The following TMEM108 variants were observed in gnomAD, a reference collection of about 807,000 sequenced individuals.
The protein encoded by TMEM108 is cancer/testis antigen 124.
A neutral mutation model predicts 35.1 loss-of-function variants in TMEM108; 12 were observed. That is an observed-to-expected ratio of 0.34 (90% CI 0.22 to 0.55). The LOEUF (loss-of-function observed/expected upper bound fraction) is 0.55. Among genes scored for constraint, TMEM108 ranks in the 20% least tolerant of loss-of-function variants. TMEM108 has a pLI of 0.89. For synonymous variants in TMEM108, 287 were observed against 308.6 expected, an observed-to-expected ratio of 0.93 and a Z score of 0.73; for missense variants, 680 against 753.3, an observed-to-expected ratio of 0.90 and a Z score of 1.14.
At chr3:133,178,333 A>C (rs1033915515) in intron 2 of TMEM108, among the ~76,000 whole-genome samples, 1 of 152,198 alleles carries the variant, frequency 6.6e-6, no homozygotes, top group Non-Finnish European at 1.5e-5. Flanking sequence ...GGAACCAAAA[A>C]AGAGCCCACA....
chr3:133,393,319 T>C (rs956734763), intron 5 of TMEM108, among the ~76,000 whole-genome samples: 2 of 152,170 alleles, frequency 1.3e-5, no homozygotes, highest in East Asian at 3.8e-4. Context: ...TTCAGAGCTC[T>C]TCTCACCACT....
At chr3:133,177,389 T>C (rs1328188502) in intron 2 of TMEM108, among the ~76,000 whole-genome samples, 1 of 152,228 alleles carries the variant, frequency 6.6e-6, no homozygotes, top group Non-Finnish European at 1.5e-5. Flanking sequence ...CCAATATCCC[T>C]GATGAACATT....
At chr3:133,369,793 CTT>C (rs1386716355) in intron 3 of TMEM108, among the ~76,000 whole-genome samples, 1 of 152,146 alleles carries the variant, frequency 6.6e-6, no homozygotes, top group Admixed American at 6.5e-5. Context: ...CATACCCTTA[CTT>C]TGCCACCTGC....
At chr3:133,073,526 A>ATATATATT (rs1553729964) in intron 2 of TMEM108, among the ~76,000 whole-genome samples, 11 of 116,680 alleles carry the variant, frequency 9.4e-5, no homozygotes, top group East Asian at 2.4e-4. Context: ...ATATATATAT[A>ATATATATT]TATATATATC....
chr3:133,366,057 C>G (rs2107803335), intron 3 of TMEM108, among the ~76,000 whole-genome samples: 2 of 152,286 alleles, frequency 1.3e-5, no homozygotes, highest in South Asian at 4.1e-4. Flanking sequence ...TTGGATAAAT[C>G]TTTTAACCTC....
chr3:133,240,505 T>G (rs1358110407), intron 3 of TMEM108, among the ~76,000 whole-genome samples: 2 of 152,222 alleles, frequency 1.3e-5, no homozygotes, highest in African/African-American at 4.8e-5. Context: ...TCCATTACAC[T>G]GTTGGCAGAA....
intron 2 of TMEM108, among the ~76,000 whole-genome samples, chr3:133,217,898 A>G (rs184981243): frequency 3.3e-5 from 5 of 152,066 alleles, no homozygotes; most frequent in Admixed American, 2.0e-4. Flanking sequence ...TACTTTGGCT[A>G]TTTGGAGTCT....
At chr3:133,090,652 G>A (rs1943936810) in intron 2 of TMEM108, among the ~76,000 whole-genome samples, 3 of 152,172 alleles carry the variant, frequency 2.0e-5, no homozygotes, top group Admixed American at 2.0e-4. Context: ...TTTTAAGAGT[G>A]GGGCAATCTC....
At chr3:133,263,333 C>T (rs1946651517) in intron 3 of TMEM108, among the ~76,000 whole-genome samples, 1 of 152,178 alleles carries the variant, frequency 6.6e-6, no homozygotes, top group Admixed American at 6.5e-5. Context: ...GTGTTTGCTG[C>T]CTTTAAAAGC....
intron 2 of TMEM108, among the ~76,000 whole-genome samples, chr3:133,205,600 A>C (rs1559867851): frequency 1.3e-5 from 2 of 151,768 alleles, no homozygotes; most frequent in African/African-American, 4.8e-5. Context: ...TGGGTTGAAA[A>C]TTCTTTAAGA....
intron 2 of TMEM108, among the ~76,000 whole-genome samples, chr3:133,199,630 C>A (rs1426743838): frequency 6.6e-6 from 1 of 152,164 alleles, no homozygotes; most frequent in Non-Finnish European, 1.5e-5. Flanking sequence ...ATGTTGCTGC[C>A]TAATCGTTCC....
At chr3:133,177,049 T>A (rs1237296981) in intron 2 of TMEM108, among the ~76,000 whole-genome samples, 1 of 152,106 alleles carries the variant, frequency 6.6e-6, no homozygotes, top group Non-Finnish European at 1.5e-5. Context: ...TCTACACAAA[T>A]AAACTAGAAA....
chr3:133,202,403 C>A (rs978079726), intron 2 of TMEM108, among the ~76,000 whole-genome samples: 6 of 152,236 alleles, frequency 3.9e-5, no homozygotes, highest in Non-Finnish European at 8.8e-5. Context: ...CCTAGGTTTT[C>A]TTCTAGGTTT....
At chr3:133,186,161 T>G (rs1241172011) in intron 2 of TMEM108, among the ~76,000 whole-genome samples, 1 of 152,226 alleles carries the variant, frequency 6.6e-6, no homozygotes, top group African/African-American at 2.4e-5. Context: ...ATAACCCATT[T>G]TCTTTTGTTT....
At chr3:133,095,730 G>C (rs565295664) in intron 2 of TMEM108, among the ~76,000 whole-genome samples, 101 of 152,204 alleles carry the variant, frequency 6.6e-4, no homozygotes, top group Admixed American at 2.3e-3. Flanking sequence ...CCACTGATCC[G>C]ACAGGCGGTG....
At chr3:133,179,689 G>T (rs1035705081) in intron 2 of TMEM108, among the ~76,000 whole-genome samples, 5 of 152,038 alleles carry the variant, frequency 3.3e-5, no homozygotes, top group Admixed American at 3.3e-4. Flanking sequence ...ATAGCATTGG[G>T]AGATATACCT....
chr3:133,094,040 T>G (rs1943980501), intron 2 of TMEM108, among the ~76,000 whole-genome samples: 1 of 152,102 alleles, frequency 6.6e-6, no homozygotes, highest in African/African-American at 2.4e-5. Context: ...AGTTAATAGG[T>G]CAGCTGTTGT....
chr3:133,061,670 A>G (rs1226730106), intron 2 of TMEM108, among the ~76,000 whole-genome samples: 1 of 152,222 alleles, frequency 6.6e-6, no homozygotes, highest in Non-Finnish European at 1.5e-5. Context: ...TATATGCCCT[A>G]TAAAACTAGG....
intron 4 of TMEM108, chr3:133,389,002 G>T (rs1386104959): frequency 8.1e-5 from 80 of 985,596 alleles, no homozygotes; most frequent in Non-Finnish European, 9.0e-5. Context: ...TGTCAGATGT[G>T]GCTCTTGGCT....
Sources: gnomAD v4.1 joint callset for allele counts (sites outside exome capture counted in the v4.1 genomes callset) on GRCh38, gnomAD v4.1.1 for gene constraint, MANE v1.5 for transcripts, NCBI Gene and HGNC (gene_info 2026-07-23, HGNC 2026-07-21) for gene names.